Variants in BAX observed in about 807,000 individuals in gnomAD.
The protein encoded by BAX is BCL2 associated X, apoptosis regulator, also known as apoptosis regulator BAX.
BAX carries 21 observed loss-of-function variants against 26.8 expected under a neutral mutation model. That is an observed-to-expected ratio of 0.78 (90% confidence interval 0.56 to 1.13). The LOEUF is 1.13. Among genes scored for constraint, BAX ranks in the 50% most tolerant of loss-of-function variants. BAX has a pLI of 0.00. For missense variants in BAX, 236 were observed against 254.6 expected (o/e 0.93, Z 0.50); for synonymous variants, 110 against 101.8 (o/e 1.08, Z -0.49).
rs1356750893 is a variant in BAX at position 48,960,852 on chromosome 19, G to T, written c.412G>T (p.Gly138Cys). ...GCCGGAACTGATCAGAACCATCATG[G>T]GCTGGACATTGGACTTCCTCCGGGA... Reference protein sequence around the residue: ...KVPELIRTIMGWTLDFLRERL... With the variant: ...KVPELIRTIMCWTLDFLRERL... Residue 138 changes from glycine to cysteine, a missense_variant, in exon 5 of 6, where the codon GGC becomes TGC. Physicochemically the swap from Gly to Cys is radical, Grantham distance 159. Coordinates refer to ENST00000345358, the MANE Select transcript of BAX (RefSeq NM_138761.4). 2 of 1,614,158 alleles carry T rather than the reference G, an allele frequency of 1.2e-6. No homozygotes were observed. Among genetic ancestry groups the T allele is most frequent in the Non-Finnish European group, 1.7e-6 (2 of 1,180,028 alleles).
At position 48,960,437 on chromosome 19, in the gene BAX, C is replaced by G. The variant is rs151097421; in HGVS notation, c.370-373C>G. 886 of 330,030 alleles carry G rather than the reference C, an allele frequency of 2.7e-3. 11 individuals carry two copies. The highest frequency in any genetic ancestry group is 0.018 in the African/African-American group (853 of 46,208). The allele number at this position is 330,030 out of a possible 1,614,324, so 20.4% of individuals were successfully genotyped here. ...GGAGTGCAATGGCGCAACCTCGGCT[C>G]ACTGCAACCTCCGCCTCCCGGGTTC... On this transcript the variant is annotated intron_variant, in intron 4 of 5. Transcript: ENST00000345358.
At chr19:48,956,592 C>T (rs1200201791) in intron 4 of BAX, among the ~76,000 whole-genome samples, 1 of 151,858 alleles carries the variant, frequency 6.6e-6, no homozygotes, top group Non-Finnish European at 1.5e-5. Context: ...AGGGAGTTCA[C>T]GTGCAGGGGT....
intron 5 of BAX, 93 bp downstream of exon 5, chr19:48,961,007 C>G (rs768187175): frequency 3.7e-6 from 6 of 1,612,874 alleles, no homozygotes; most frequent in Non-Finnish European, 5.1e-6. Flanking sequence ...CTCTGGGACC[C>G]TGGGCCTTCT....
chr19:48,957,220 A>C (rs2038170147), intron 4 of BAX, among the ~76,000 whole-genome samples: 1 of 143,994 alleles, frequency 6.9e-6, no homozygotes. Context: ...GGGCAGGGGC[A>C]GATTGTGTGG....
chr19:48,959,209 G>C (rs970069375), intron 4 of BAX, among the ~76,000 whole-genome samples: 1 of 151,798 alleles, frequency 6.6e-6, no homozygotes, highest in African/African-American at 2.4e-5. Flanking sequence ...AATTAGCCGG[G>C]CATGGTGGTG....
chr19:48,959,849 C>T (rs1372429546), intron 4 of BAX, among the ~76,000 whole-genome samples: 1 of 150,696 alleles, frequency 6.6e-6, no homozygotes, highest in African/African-American at 2.4e-5. Context: ...AAAAATTAGC[C>T]AGGCATGTTG....
chr19:48,960,853 G>T lies in BAX; in HGVS notation c.413G>T (p.Gly138Val). Residue 138 changes from glycine to valine, a missense_variant, in exon 5 of 6, where the codon GGC becomes GTC. By Grantham distance (109) the Gly-to-Val change is moderately radical. Transcript: ENST00000345358. ...KVPELIRTIMGWTLDFLRERL... is the reference protein window; with the variant it reads ...KVPELIRTIMVWTLDFLRERL... ...CCGGAACTGATCAGAACCATCATGGGCTGGACATTGGACTTCCTCCGGGAG... is the reference window on the plus strand; with the variant it reads ...CCGGAACTGATCAGAACCATCATGGTCTGGACATTGGACTTCCTCCGGGAG... 6.2e-7 allele frequency: 1 copy of T among 1,614,138 alleles called. No homozygotes were observed. Among genetic ancestry groups the T allele is most frequent in the Non-Finnish European group, 8.5e-7 (1 of 1,180,026 alleles).
chr19:48,957,873 G>A (rs531451988), intron 4 of BAX, among the ~76,000 whole-genome samples: 31 of 152,210 alleles, frequency 2.0e-4, no homozygotes, highest in Admixed American at 1.6e-3. Context: ...TATAGGTGGC[G>A]GCTATATGGC....
intron 1 of BAX, 57 bp from the exon 2 acceptor site, chr19:48,955,491 T>G: frequency 6.4e-7 from 1 of 1,567,546 alleles, no homozygotes; most frequent in Non-Finnish European, 8.7e-7. Context: ...CTCCACAGTC[T>G]CCTGATCCCC....
intron 4 of BAX, among the ~76,000 whole-genome samples, chr19:48,959,395 A>G (rs1452527522): frequency 6.7e-6 from 1 of 150,094 alleles, no homozygotes; most frequent in African/African-American, 2.4e-5. Context: ...TGGGGAAGTG[A>G]CATTTGCCCT....
chr19:48,960,696 G>A lies in BAX; in HGVS notation c.370-114G>A, dbSNP rs1040376969. 60 of 941,430 alleles carry A rather than the reference G, an allele frequency of 6.4e-5. 1 individual carries two copies. In the African/African-American group the frequency reaches 8.4e-4, roughly 13 times the overall value. The allele number at this position is 941,430 out of a possible 1,614,324, so 58.3% of individuals were successfully genotyped here. On this transcript the variant is annotated intron_variant, in intron 4 of 5. Transcript: ENST00000345358. The stretch of plus-strand genomic sequence containing the variant: ...AATTTTTGAAGCCGACTTCAATTGT[G>A]GGTGGCAGAAATCTTTGAGGGGAGG...
chr19:48,955,041 GC>G, intron 1 of BAX, 79 bp downstream of exon 1: 2 of 1,235,420 alleles, frequency 1.6e-6, no homozygotes, highest in Non-Finnish European at 1.0e-6. Context: ...CCGGCCTGGG[GC>G]TGTGCGATCT....
At chr19:48,955,166 C>T in intron 1 of BAX, 1 of 605,138 alleles carries the variant, frequency 1.7e-6, no homozygotes, top group Non-Finnish European at 2.4e-6. Flanking sequence ...GCCTCTCTGG[C>T]GCTCTCGGAC....
At chr19:48,956,863 G>T (rs1378519002) in intron 4 of BAX, among the ~76,000 whole-genome samples, 1 of 128,560 alleles carries the variant, frequency 7.8e-6, no homozygotes, top group Non-Finnish European at 1.6e-5. Flanking sequence ...AGTAGAGACG[G>T]GTTTCACCAT....
intron 3 of BAX, 118 bp downstream of exon 3, chr19:48,955,951 G>A (rs2038112028): frequency 2.2e-6 from 3 of 1,338,036 alleles, no homozygotes; most frequent in East Asian, 5.1e-5. Flanking sequence ...ACAACTCAGC[G>A]CAAACATTCC....
At chr19:48,958,617 C>G (rs895110553) in intron 4 of BAX, among the ~76,000 whole-genome samples, 1 of 151,446 alleles carries the variant, frequency 6.6e-6, no homozygotes, top group Non-Finnish European at 1.5e-5. Flanking sequence ...GATCTCAGCT[C>G]ACTGCAACCT....
At chr19:48,956,787 C>A (rs2038150844) in intron 4 of BAX, among the ~76,000 whole-genome samples, 1 of 143,906 alleles carries the variant, frequency 6.9e-6, no homozygotes, top group African/African-American at 2.6e-5. Flanking sequence ...TCCTGAGTAG[C>A]TGGGATTATG....
rs1417829250 is a variant in BAX at position 48,956,181 on chromosome 19, TCTC to T, written c.234-13_234-11del. 4 of 1,498,932 alleles carry T rather than the reference TCTC, an allele frequency of 2.7e-6. No individual in the cohort carries two copies. In the South Asian group the frequency reaches 3.9e-5, roughly 15 times the overall value. The allele number at this position is 1,498,932 out of a possible 1,614,324, so 92.9% of individuals were successfully genotyped here. ...CTGATGCCTGCTCCCCGGCACTGGT[TCTC>T]CTCTCTCCTGCAGGATGATTGCCGC... On this transcript the variant is annotated splice_polypyrimidine_tract_variant and intron_variant, in intron 3 of 5. Coordinates refer to ENST00000345358, the MANE Select transcript of BAX (RefSeq NM_138761.4).
At chr19:48,959,261 A>G (rs2038253667) in intron 4 of BAX, among the ~76,000 whole-genome samples, 1 of 149,662 alleles carries the variant, frequency 6.7e-6, no homozygotes, top group Admixed American at 6.7e-5. Context: ...GAGGCAGAAG[A>G]ATGGCGTGAA....
Sources: allele counts gnomAD v4.1 joint callset (sites outside exome capture counted in the v4.1 genomes callset), GRCh38; gene constraint gnomAD v4.1.1; transcripts MANE v1.5; gene names NCBI Gene and HGNC (gene_info 2026-07-23, HGNC 2026-07-21).